The following P3H2 variants were observed in gnomAD, a reference collection of about 807,000 sequenced individuals.
P3H2 encodes leprecan-like 1.
P3H2 carries 80 observed loss-of-function variants against 87.0 expected under a neutral mutation model. The ratio of observed to expected loss-of-function variants is 0.92; its 90% CI spans 0.77 to 1.11. The LOEUF (loss-of-function observed/expected upper bound fraction) is 1.11, where lower values mean the gene tolerates loss of function less well. Ranked by LOEUF, P3H2 falls within the 50% of genes least tolerant of loss-of-function variation. The probability of loss-of-function intolerance (pLI) is 0.00; values close to 1 mark genes in which losing one functional copy is unlikely to be tolerated. For synonymous variants in P3H2, 367 were observed against 359.3 expected (o/e 1.02, Z -0.24); for missense variants, 1,001 against 923.9 (o/e 1.08, Z -1.08).
At chr3:190,106,158 T>A (rs1711828615) in intron 1 of P3H2, among the ~76,000 whole-genome samples, 1 of 151,894 alleles carries the variant, frequency 6.6e-6, no homozygotes, top group Non-Finnish European at 1.5e-5. Context: ...AGAGTCCATT[T>A]AAAAAAAATA....
Position 190,120,650 on chromosome 3 carries a change from C to G in P3H2, c.82G>C (p.Asp28His), listed in dbSNP as rs751800036. 6.6e-7 allele frequency: 1 copy of G among 1,526,050 alleles called. No homozygotes were observed. 94.5% of individuals were successfully genotyped at this position (1,526,050 alleles called of 1,614,324 possible). A position where few individuals can be genotyped will look rare whatever the true frequency, so the allele number is the denominator to read the frequency against. Residue 28 changes from aspartate to histidine, a missense_variant, in exon 1 of 15, where the codon GAC (aspartate) becomes CAC (histidine). Transcript: ENST00000319332. ...LPPPLWGGPPDSPRRELELEP... is the reference protein window; with the variant it reads ...LPPPLWGGPPHSPRRELELEP... ...AGCTCCAGCTCCCGGCGTGGGCTGT[C>G]CGGGGGGCCGCCCCACAGTGGCGGC...
At chr3:190,043,289 G>A (rs2108956148) in intron 1 of P3H2, among the ~76,000 whole-genome samples, 1 of 152,216 alleles carries the variant, frequency 6.6e-6, no homozygotes, top group Non-Finnish European at 1.5e-5. Flanking sequence ...AAGCGCCAAA[G>A]CAACAAATCA....
At chr3:190,041,031 T>C (rs1327148208) in intron 1 of P3H2, among the ~76,000 whole-genome samples, 7 of 51,686 alleles carry the variant, frequency 1.4e-4, no homozygotes, top group African/African-American at 4.7e-4. Context: ...TATATATATA[T>C]ATATATACAC....
rs183693804 is a variant in P3H2 at position 189,976,996 on chromosome 3, C to A, written c.1325-2311G>T. On this transcript the variant is annotated intron_variant, in intron 8 of 14. Transcript: ENST00000319332. ...CGTCTCAGAACTTTTAATATGTGAACAGGCCTTATTAATGTCCTAAGTAGT... is the reference window on the plus strand; with the variant it reads ...CGTCTCAGAACTTTTAATATGTGAAAAGGCCTTATTAATGTCCTAAGTAGT... Among the ~76,000 whole-genome samples the A allele has an allele frequency of 3.3e-5, 5 of 152,274 alleles. No homozygotes were observed. The East Asian group carries it at 9.6e-4, about 29-fold the overall frequency.
At position 190,041,056 on chromosome 3, in the gene P3H2, ACACACACACACACACACACACACACTCT is replaced by A. The variant is rs1275006578; in HGVS notation, c.481-45642_481-45615del. On this transcript the variant is annotated intron_variant, in intron 1 of 14. Transcript: ENST00000319332. Reference sequence around the variant, plus strand: ...TATATATACACACACACACACACACACACACACACACACACACACACACACTCTCTCTCTCTATATATATATATATACT... The same window carrying A: ...TATATATACACACACACACACACACACTCTCTCTATATATATATATATACT... 7.1e-4 allele frequency among the ~76,000 whole-genome samples: 30 copies of A among 42,468 alleles called. 2 individuals are homozygous for A. Among genetic ancestry groups the A allele is most frequent in the African/African-American group, 4.2e-3 (27 of 6,420 alleles). 27.9% of individuals were successfully genotyped at this position (42,468 alleles called of 152,430 possible). A position where few individuals can be genotyped will look rare whatever the true frequency, so the allele number is the denominator to read the frequency against.
Position 189,978,252 on chromosome 3 carries a change from A to T in P3H2, c.1325-3567T>A, listed in dbSNP as rs565138168. Among the ~76,000 whole-genome samples, 5 of 152,364 alleles carry T rather than the reference A, an allele frequency of 3.3e-5. No homozygotes were observed. The Middle Eastern group carries it at 0.01, about 311-fold the overall frequency. ...ACATTGAAGATGTATTATTTTAAAC[A>T]TAATTAGCTTATTTTCAAAATATGA... On this transcript the variant is annotated intron_variant, in intron 8 of 14. Coordinates refer to ENST00000319332, the MANE Select transcript of P3H2 (RefSeq NM_018192.4).
chr3:190,087,797 A>G (rs1197550429), intron 1 of P3H2, among the ~76,000 whole-genome samples: 1 of 152,226 alleles, frequency 6.6e-6, no homozygotes, highest in Admixed American at 6.5e-5. Flanking sequence ...AAGTGGAAGA[A>G]GGAAGACTTC....
chr3:190,113,926 A>G (rs143078738), intron 1 of P3H2, among the ~76,000 whole-genome samples: 20,734 of 150,506 alleles, frequency 0.14, 1,278 homozygotes, highest in Middle Eastern at 0.21. Context: ...AAATACAAAA[A>G]GAAATTAGCC....
chr3:190,113,844 G>T lies in P3H2; in HGVS notation c.480+6408C>A, dbSNP rs539516600. Among the ~76,000 whole-genome samples the T allele has an allele frequency of 2.0e-3, 306 of 152,206 alleles. 2 individuals are homozygous for T. The highest frequency in any genetic ancestry group is 3.6e-3 in the Non-Finnish European group (243 of 68,016). On this transcript the variant is annotated intron_variant, in intron 1 of 14. Transcript: ENST00000319332. The stretch of plus-strand genomic sequence containing the variant: ...TGTAATCCCAGCACTTTGGGAGGCC[G>T]AGGCGGGCGGATCACGAGGTCGGGA...
chr3:190,091,462 A>G (rs1727406921), intron 1 of P3H2, among the ~76,000 whole-genome samples: 1 of 152,210 alleles, frequency 6.6e-6, no homozygotes, highest in Admixed American at 6.5e-5. Flanking sequence ...CCTATTTCCC[A>G]TTATTACTAA....
intron 3 of P3H2, 27 bp downstream of exon 3, chr3:189,994,067 A>T (rs765078202): frequency 3.2e-6 from 5 of 1,539,050 alleles, no homozygotes; most frequent in Non-Finnish European, 4.5e-6. Flanking sequence ...ATCAAGAAAG[A>T]AATAAAATGA....
intron 1 of P3H2, among the ~76,000 whole-genome samples, chr3:190,033,044 C>A (rs933328164): frequency 2.6e-5 from 4 of 152,188 alleles, no homozygotes; most frequent in African/African-American, 9.7e-5. Flanking sequence ...GTGACAGATC[C>A]TCAGGCATTA....
At chr3:190,073,792 C>T (rs1726782657) in intron 1 of P3H2, among the ~76,000 whole-genome samples, 1 of 152,190 alleles carries the variant, frequency 6.6e-6, no homozygotes, top group East Asian at 1.9e-4. Context: ...CAACTGCAAT[C>T]AAGGACTTTT....
At chr3:190,036,482 C>CAACAAGCTTCATCCCACA (rs1725428488) in intron 1 of P3H2, among the ~76,000 whole-genome samples, 1 of 21,236 alleles carries the variant, frequency 4.7e-5, no homozygotes, top group East Asian at 2.1e-3. Flanking sequence ...ACTTTATAGT[C>CAACAAGCTTCATCCCACA]GACATGATAA....
intron 1 of P3H2, among the ~76,000 whole-genome samples, chr3:190,000,956 C>T (rs1724194200): frequency 6.6e-6 from 1 of 152,164 alleles, no homozygotes; most frequent in Admixed American, 6.5e-5. Flanking sequence ...AGTAATCAGT[C>T]AGAGATGATG....
chr3:190,077,409 C>T (rs1024664442), intron 1 of P3H2, among the ~76,000 whole-genome samples: 4 of 152,156 alleles, frequency 2.6e-5, no homozygotes, highest in African/African-American at 7.2e-5. Context: ...TTCTTCCTTC[C>T]TAGGTCTCCA....
intron 1 of P3H2, among the ~76,000 whole-genome samples, chr3:190,001,705 C>G (rs1299466463): frequency 6.6e-6 from 1 of 152,148 alleles, no homozygotes; most frequent in Non-Finnish European, 1.5e-5. Context: ...TCACACTAAA[C>G]AACCAAATTC....
intron 1 of P3H2, among the ~76,000 whole-genome samples, chr3:190,114,622 C>T (rs1249532330): frequency 6.6e-6 from 1 of 152,152 alleles, no homozygotes; most frequent in Admixed American, 6.5e-5. Context: ...CCTTAGCACA[C>T]GGGACCTAAA....
chr3:190,106,886 G>A (rs373114457), intron 1 of P3H2, among the ~76,000 whole-genome samples: 9 of 152,268 alleles, frequency 5.9e-5, no homozygotes, highest in African/African-American at 2.2e-4. Flanking sequence ...ATTGTTGAAA[G>A]AATTTGATGA....
Sources: allele counts gnomAD v4.1 joint callset (sites outside exome capture counted in the v4.1 genomes callset), GRCh38; gene constraint gnomAD v4.1.1; transcripts MANE v1.5; gene names NCBI Gene and HGNC (gene_info 2026-07-23, HGNC 2026-07-21).